The following MSI2 variants were observed in gnomAD, a reference collection of about 807,000 sequenced individuals.
MSI2 encodes the protein musashi RNA binding protein 2.
A neutral mutation model predicts 45.6 loss-of-function variants in MSI2; 17 were observed. That is an observed-to-expected ratio of 0.37 (90% CI 0.26 to 0.56). The LOEUF is 0.56. Among genes scored for constraint, MSI2 ranks in the 20% least tolerant of loss-of-function variants. The pLI, the probability that MSI2 is intolerant of heterozygous loss-of-function variation, is 0.77. For synonymous variants in MSI2, 156 were observed against 158.2 expected (o/e 0.99, Z 0.11); for missense variants, 293 against 444.2 (o/e 0.66, Z 3.06).
chr17:57,496,171 G>A (rs1029030990), intron 6 of MSI2, among the ~76,000 whole-genome samples: 4 of 152,318 alleles, frequency 2.6e-5, no homozygotes, highest in Admixed American at 2.6e-4. Flanking sequence ...GGTAGTTACT[G>A]GAGCAGAGTA....
chr17:57,502,776 G>A (rs2086145041), intron 6 of MSI2, among the ~76,000 whole-genome samples: 2 of 151,270 alleles, frequency 1.3e-5, no homozygotes, highest in South Asian at 2.1e-4. Context: ...GTTGGGAACC[G>A]ACCACCTACC....
In MSI2 at chr17:57,681,009, T is replaced by A. The variant is rs559624828; in HGVS notation, c.*1492T>A. ...AAGCAACCTTTTGGTTTATATATAT[T>A]TTTTTTAATACCTCAGTGCTGCAAG... On this transcript the variant is annotated 3_prime_UTR_variant, in exon 14 of 14. Transcript: ENST00000284073. 6.9e-4 allele frequency: 127 copies of A among 182,784 alleles called. 1 individual carries two copies. The highest frequency in any genetic ancestry group is 2.2e-3 in the South Asian group (11 of 5,076). The allele number at this position is 182,784 out of a possible 1,614,324, so 11.3% of individuals were successfully genotyped here.
chr17:57,605,711 C>T (rs567959546), intron 8 of MSI2, among the ~76,000 whole-genome samples: 1 of 152,378 alleles, frequency 6.6e-6, no homozygotes, highest in East Asian at 1.9e-4. Context: ...TAGTTTCACT[C>T]TAGTTTCCCC....
At chr17:57,684,956 C>G (rs1453010528), downstream of MSI2, among the ~76,000 whole-genome samples, 1 of 151,360 alleles carries the variant, frequency 6.6e-6, no homozygotes, top group African/African-American at 2.4e-5. Flanking sequence ...TACACAGAAC[C>G]CATGAGTGGA....
At chr17:57,507,803 G>T (rs2086270302) in intron 6 of MSI2, among the ~76,000 whole-genome samples, 5 of 152,148 alleles carry the variant, frequency 3.3e-5, no homozygotes, top group Admixed American at 3.3e-4. Flanking sequence ...AAGACAGAGG[G>T]TGTATTTTTT....
intron 5 of MSI2, among the ~76,000 whole-genome samples, chr17:57,349,166 G>C (rs763613674): frequency 2.6e-5 from 4 of 152,202 alleles, no homozygotes; most frequent in Non-Finnish European, 5.9e-5. Flanking sequence ...GAGGACTCCA[G>C]GCTCTCGTCT....
intron 5 of MSI2, among the ~76,000 whole-genome samples, chr17:57,331,221 T>C (rs1196514001): frequency 6.6e-6 from 1 of 152,176 alleles, no homozygotes; most frequent in Non-Finnish European, 1.5e-5. Context: ...GCCATGTTCT[T>C]TGTGTCTCAG....
chr17:57,526,930 T>A (rs944616018), intron 6 of MSI2, among the ~76,000 whole-genome samples: 2 of 152,108 alleles, frequency 1.3e-5, no homozygotes, highest in African/African-American at 4.8e-5. Flanking sequence ...CCTAAAAACA[T>A]ATACAGATCC....
chr17:57,335,372 G>A (rs1914622795), intron 5 of MSI2, among the ~76,000 whole-genome samples: 1 of 152,154 alleles, frequency 6.6e-6, no homozygotes, highest in African/African-American at 2.4e-5. Flanking sequence ...CTCTTAAACG[G>A]GCAGGCCAAA....
At chr17:57,277,151 G>T (rs1311626214) in intron 5 of MSI2, among the ~76,000 whole-genome samples, 2 of 151,514 alleles carry the variant, frequency 1.3e-5, no homozygotes, top group East Asian at 1.9e-4. Context: ...CGCCTCCTGG[G>T]TTCAAGTGAT....
chr17:57,631,544 C>A, intron 10 of MSI2: 1 of 498,394 alleles, frequency 2.0e-6, no homozygotes, highest in Non-Finnish European at 3.5e-6. Context: ...GAAGGCTAGA[C>A]ACTGGATAGT....
At chr17:57,563,684 A>ACTGTCTGT (rs369283545) in intron 7 of MSI2, among the ~76,000 whole-genome samples, 2,032 of 145,056 alleles carry the variant, frequency 0.014, 23 homozygotes, top group African/African-American at 0.025. Flanking sequence ...TTAGTGGCTG[A>ACTGTCTGT]CTGTCTGTCT....
intron 8 of MSI2, among the ~76,000 whole-genome samples, chr17:57,612,986 G>A (rs896470267): frequency 6.6e-5 from 10 of 152,164 alleles, no homozygotes; most frequent in Admixed American, 2.6e-4. Flanking sequence ...CTCCTCTGGA[G>A]TCCTGAAGCC....
At chr17:57,524,295 C>T (rs1286890524) in intron 6 of MSI2, among the ~76,000 whole-genome samples, 1 of 152,228 alleles carries the variant, frequency 6.6e-6, no homozygotes, top group Non-Finnish European at 1.5e-5. Flanking sequence ...AAAGTAGACT[C>T]CACCTCTTTG....
intron 6 of MSI2, among the ~76,000 whole-genome samples, chr17:57,481,249 T>G (rs1205673162): frequency 2.0e-5 from 3 of 152,218 alleles, no homozygotes; most frequent in Non-Finnish European, 4.4e-5. Context: ...AGCCGGCAAG[T>G]AATGTCTTTC....
chr17:57,645,259 A>G (rs952116094), intron 10 of MSI2, among the ~76,000 whole-genome samples: 2 of 152,156 alleles, frequency 1.3e-5, no homozygotes, highest in African/African-American at 2.4e-5. Flanking sequence ...AAGTGGAGAC[A>G]TCGCATTGGC....
At chr17:57,599,047 G>C (rs1276499001) in intron 8 of MSI2, among the ~76,000 whole-genome samples, 1 of 152,224 alleles carries the variant, frequency 6.6e-6, no homozygotes, top group African/African-American at 2.4e-5. Flanking sequence ...ATCCTAGCCA[G>C]AGCACGCCAT....
chr17:57,598,851 C>T (rs913157641), intron 8 of MSI2, among the ~76,000 whole-genome samples: 3 of 152,084 alleles, frequency 2.0e-5, no homozygotes, highest in Non-Finnish European at 4.4e-5. Context: ...TTAGTAGAGA[C>T]GGGGTTTCAC....
intron 5 of MSI2, among the ~76,000 whole-genome samples, chr17:57,376,170 C>T (rs758695456): frequency 2.6e-5 from 4 of 152,124 alleles, no homozygotes; most frequent in Admixed American, 6.6e-5. Flanking sequence ...CTTGGCAGGT[C>T]GTCAAGACTG....
Sources: gnomAD v4.1 joint callset for allele counts (sites outside exome capture counted in the v4.1 genomes callset) on GRCh38, gnomAD v4.1.1 for gene constraint, MANE v1.5 for transcripts, NCBI Gene and HGNC (gene_info 2026-07-23, HGNC 2026-07-21) for gene names.